Variants in DIAPH1 observed in about 807,000 individuals in gnomAD.
DIAPH1 encodes the protein diaphanous related formin 1, also known as protein diaphanous homolog 1.
In DIAPH1, 46 loss-of-function variants were observed where a neutral mutation model predicts 140.7. The ratio of observed to expected loss-of-function variants is 0.33; its 90% CI spans 0.26 to 0.42. The LOEUF (loss-of-function observed/expected upper bound fraction) is 0.42. Among genes scored for constraint, DIAPH1 ranks in the 10% least tolerant of loss-of-function variants. The probability of loss-of-function intolerance (pLI) is 1.00; values close to 1 mark genes in which losing one functional copy is unlikely to be tolerated. For missense variants in DIAPH1, 1,310 were observed against 1,558.7 expected (o/e 0.84, Z 2.69); for synonymous variants, 565 against 551.6 (o/e 1.02, Z -0.34).
chr5:141,516,719 G>T lies in DIAPH1; in HGVS notation c.*132C>A. 1.0e-6 allele frequency: 1 copy of T among 970,584 alleles called. No homozygotes were observed. Among genetic ancestry groups the T allele is most frequent in the Non-Finnish European group, 1.6e-6 (1 of 627,490 alleles). The allele number at this position is 970,584 out of a possible 1,614,324, so 60.1% of individuals were successfully genotyped here. ...GTGATGTTGAGAGAGCAGCAGGCCA[G>T]AGAGAAAGACAGGGTCAGGGTGGTG... On this transcript the variant is annotated 3_prime_UTR_variant, in exon 28 of 28. Transcript: ENST00000389054.
At chr5:141,588,342 G>A (rs1183508346) in intron 1 of DIAPH1, 92 bp from the exon 2 acceptor site, 2 of 937,650 alleles carry the variant, frequency 2.1e-6, no homozygotes, top group Non-Finnish European at 1.7e-6. Context: ...GGGGAAAAGA[G>A]GGAGAGAAGT....
chr5:141,516,590 A>G lies in DIAPH1; in HGVS notation c.*261T>C. ...AGGAGACAGGGTTAAGGCAGCAAAC[A>G]TGGACCCTGCTTTGGTAATACAACA... is the stretch of plus-strand genomic sequence containing the variant. On this transcript the variant is annotated 3_prime_UTR_variant, in exon 28 of 28. Transcript: ENST00000389054. 3.7e-6 allele frequency: 2 copies of G among 535,864 alleles called. No homozygotes were observed. Among genetic ancestry groups the G allele is most frequent in the Admixed American group, 3.1e-5 (1 of 32,046 alleles). The allele number at this position is 535,864 out of a possible 1,614,324, so 33.2% of individuals were successfully genotyped here.
At position 141,518,734 on chromosome 5, in the gene DIAPH1, G is replaced by A. The variant is rs1596331953; in HGVS notation, c.3662-1726C>T. The A allele has an allele frequency of 5.0e-6, 3 of 604,742 alleles. No individual in the cohort carries two copies. In the South Asian group the frequency reaches 5.8e-5, roughly 12 times the overall value. The allele number at this position is 604,742 out of a possible 1,614,324, so 37.5% of individuals were successfully genotyped here. A position where few individuals can be genotyped will look rare whatever the true frequency, so the allele number is the denominator to read the frequency against. On this transcript the variant is annotated intron_variant, in intron 27 of 27. Transcript: ENST00000389054. ...GATGGGGTCTCTCCATGTTGTCTAG[G>A]CTGGTCTTGAACTCCTGGGCTCAAG... is the stretch of plus-strand genomic sequence containing the variant.
chr5:141,578,773 G>A (rs1043931748), intron 9 of DIAPH1, 148 bp from the exon 10 acceptor site: 15 of 702,744 alleles, frequency 2.1e-5, no homozygotes, highest in Non-Finnish European at 3.5e-5. Context: ...ATAGCAATGA[G>A]ACCTGGTTTG....
intron 24 of DIAPH1, among the ~76,000 whole-genome samples, chr5:141,526,683 GTTGTTTGT>G (rs564933384): frequency 1.3e-5 from 2 of 150,864 alleles, no homozygotes; most frequent in Non-Finnish European, 3.0e-5. Flanking sequence ...AGTTTAAACT[GTTGTTTGT>G]TTGTTTGTTT....
chr5:141,540,552 T>C (rs1196397454), intron 18 of DIAPH1, among the ~76,000 whole-genome samples: 1 of 150,964 alleles, frequency 6.6e-6, no homozygotes, highest in Non-Finnish European at 1.5e-5. Context: ...AGTGCTGGGA[T>C]TACAGGCGTG....
rs1596378965 is a variant in DIAPH1, at chr5:141,573,870, A to T, written c.1980T>A (p.Gly660=). The T allele has an allele frequency of 6.5e-7, 1 of 1,529,900 alleles. No individual in the cohort carries two copies. 94.8% of individuals were successfully genotyped at this position (1,529,900 alleles called of 1,614,324 possible). Residue 660 remains glycine, a synonymous_variant, in exon 16 of 28, where the codon GGT becomes GGA. Transcript: ENST00000389054. Reference sequence around the variant, plus strand: ...AAGAAGAGGGTGAAGGGATGCCAACACCCTCAGGCAAAGGAGGGGGTGGAG... The same window carrying T: ...AAGAAGAGGGTGAAGGGATGCCAACTCCCTCAGGCAAAGGAGGGGGTGGAG... ...TIPPPPPLPE[G]VGIPSPSSLP...
chr5:141,525,133 C>T (rs754746524), intron 26 of DIAPH1, among the ~76,000 whole-genome samples: 2 of 152,100 alleles, frequency 1.3e-5, no homozygotes, highest in Non-Finnish European at 2.9e-5. Flanking sequence ...AATAGCATTA[C>T]GAAGTTGTGG....
At chr5:141,592,507 ACAAC>A (rs1562337924) in intron 1 of DIAPH1, among the ~76,000 whole-genome samples, 1 of 152,112 alleles carries the variant, frequency 6.6e-6, no homozygotes, top group African/African-American at 2.4e-5. Context: ...AACAACAACA[ACAAC>A]AACAACAACA....
At chr5:141,556,865 T>C (rs2099892670) in intron 18 of DIAPH1, among the ~76,000 whole-genome samples, 1 of 152,158 alleles carries the variant, frequency 6.6e-6, no homozygotes, top group Non-Finnish European at 1.5e-5. Flanking sequence ...CGGCTAATTT[T>C]TGTATTTTTA....
At chr5:141,545,027 T>C (rs1434286166) in intron 18 of DIAPH1, among the ~76,000 whole-genome samples, 1 of 152,208 alleles carries the variant, frequency 6.6e-6, no homozygotes, top group African/African-American at 2.4e-5. Flanking sequence ...ATGGACATAA[T>C]GGACATTATG....
intron 1 of DIAPH1, among the ~76,000 whole-genome samples, chr5:141,608,542 CT>C: frequency 1.3e-5 from 2 of 152,240 alleles, no homozygotes; most frequent in African/African-American, 4.8e-5. Context: ...AGAACTGAAC[CT>C]GATAGGACAG....
At chr5:141,541,685 A>C (rs1200655165) in intron 18 of DIAPH1, among the ~76,000 whole-genome samples, 1 of 29,944 alleles carries the variant, frequency 3.3e-5, no homozygotes, top group Admixed American at 4.4e-4. Flanking sequence ...ATTCTGTCTC[A>C]AAAAAAAAAA....
Position 141,578,574 on chromosome 5 carries a change from C to G in DIAPH1, c.985G>C (p.Asp329His). The G allele has an allele frequency of 6.2e-7, 1 of 1,613,872 alleles. No homozygotes were observed. The highest frequency in any genetic ancestry group is 1.1e-5 in the South Asian group (1 of 91,064). ...NALITPAEELDFRVHIRSELM... is the reference protein window; with the variant it reads ...NALITPAEELHFRVHIRSELM... ...TCACTTCTGATGTGAACTCGGAAGT[C>G]AAGTTCCTCCGCTGGTGTGATGAGA... Residue 329 changes from aspartate to histidine, a missense_variant, in exon 10 of 28, where the codon GAC becomes CAC. Around this residue, in one of 3 missense-constraint regions of DIAPH1, gnomAD observed 377 missense variants for 497.1 expected, o/e 0.76. Coordinates refer to ENST00000389054, the MANE Select transcript of DIAPH1 (RefSeq NM_005219.5).
At position 141,543,032 on chromosome 5, in the gene DIAPH1, A is replaced by C. The variant is rs144006566; in HGVS notation, c.2483-8599T>G. Among the ~76,000 whole-genome samples, 790 of 152,134 alleles carry C rather than the reference A, an allele frequency of 5.2e-3. 8 individuals are homozygous for C. Among genetic ancestry groups the C allele is most frequent in the African/African-American group, 0.018 (749 of 41,514 alleles). ...TAGAAGATGCATGCTGAAGAATTTA[A>C]GGGTAAAAGGTCATGCTGTTGGTAC... On this transcript the variant is annotated intron_variant, in intron 18 of 27. Coordinates refer to ENST00000389054, the MANE Select transcript of DIAPH1 (RefSeq NM_005219.5).
intron 1 of DIAPH1, among the ~76,000 whole-genome samples, chr5:141,616,080 C>T (rs2099902637): frequency 6.6e-6 from 1 of 152,222 alleles, no homozygotes; most frequent in African/African-American, 2.4e-5. Flanking sequence ...AAGACAGACT[C>T]ATGAAGAACC....
In DIAPH1 at chr5:141,587,016, CA is replaced by C. The variant is rs1272519879; in HGVS notation, c.300+25del. 3.1e-6 allele frequency: 5 copies of C among 1,613,678 alleles called. No individual in the cohort carries two copies. The South Asian group carries it at 4.4e-5, about 14-fold the overall frequency. The stretch of plus-strand genomic sequence containing the variant: ...ATGTCCATAAATGCACAGGAAGAAG[CA>C]ACATTTTGGGAATGGGAAACTTACC... On this transcript the variant is annotated intron_variant, in intron 3 of 27. Coordinates refer to ENST00000389054, the MANE Select transcript of DIAPH1 (RefSeq NM_005219.5).
rs562397464 is a variant in DIAPH1 at position 141,565,186 on chromosome 5, C to T, written c.2482+6242G>A. ...GTAAGGACATCGAGATGCTAAAACA[C>T]GTTAAGCAAAATACAAAACAGTATA... On this transcript the variant is annotated intron_variant, in intron 18 of 27. Transcript: ENST00000389054. This position sits in a 1 kb window ranked among gnomAD's most constrained non-coding sequence, Gnocchi z 4.3. The T allele has an allele frequency of 4.6e-5, 7 of 152,100 alleles. No homozygotes were observed. The highest frequency in any genetic ancestry group is 2.1e-4 in the South Asian group (1 of 4,820). The allele number at this position is 152,100 out of a possible 1,614,324, so 9.4% of individuals were successfully genotyped here. A position where few individuals can be genotyped will look rare whatever the true frequency, so the allele number is the denominator to read the frequency against.
At chr5:141,603,921 T>C (rs2099900536) in intron 1 of DIAPH1, among the ~76,000 whole-genome samples, 1 of 151,986 alleles carries the variant, frequency 6.6e-6, no homozygotes, top group Non-Finnish European at 1.5e-5. Flanking sequence ...CCTAGGTAGT[T>C]GATAGCCCAG....
Sources: allele counts gnomAD v4.1 joint callset (sites outside exome capture counted in the v4.1 genomes callset), GRCh38; gene constraint gnomAD v4.1.1; regional missense constraint gnomAD v4.1.1; non-coding constraint Gnocchi (gnomAD v3.1); transcripts MANE v1.5; gene names NCBI Gene and HGNC (gene_info 2026-07-23, HGNC 2026-07-21).